The following IL22RA1 variants were observed in gnomAD, a reference collection of about 807,000 sequenced individuals.
IL22RA1 encodes interleukin-22 receptor subunit alpha-1.
IL22RA1 carries 25 observed loss-of-function variants against 32.8 expected under a neutral mutation model. The ratio of observed to expected loss-of-function variants is 0.76; its 90% CI spans 0.55 to 1.06. The LOEUF is 1.06. IL22RA1 is among the 50% of genes least tolerant of loss of function. The probability of loss-of-function intolerance (pLI) is 0.00; values close to 1 mark genes in which losing one functional copy is unlikely to be tolerated. For synonymous variants in IL22RA1, 305 were observed against 305.0 expected (o/e 1.00, Z 0.00); for missense variants, 709 against 727.4 (o/e 0.97, Z 0.29).
intron 4 of IL22RA1, 97 bp from the exon 5 acceptor site, chr1:24,128,376 A>C: frequency 7.0e-7 from 1 of 1,435,674 alleles, no homozygotes; most frequent in Admixed American, 1.7e-5. Flanking sequence ...TTCTGGTTTG[A>C]TGCTGATGGG....
chr1:24,136,743 T>C (rs1394396144), intron 3 of IL22RA1, among the ~76,000 whole-genome samples: 1 of 150,818 alleles, frequency 6.6e-6, no homozygotes, highest in Admixed American at 6.6e-5. Flanking sequence ...TGCCCGAGGG[T>C]TTTAAGCTGA....
chr1:24,138,738 G>A, intron 1 of IL22RA1, 24 bp from the exon 2 acceptor site: 1 of 1,611,580 alleles, frequency 6.2e-7, no homozygotes, highest in Non-Finnish European at 8.5e-7. Flanking sequence ...GGAGGAGGGT[G>A]AGCAGGGGCT....
At position 24,137,099 on chromosome 1, in the gene IL22RA1, C is replaced by T. The variant is rs749783128; in HGVS notation, c.355+32G>A. The T allele has an allele frequency of 8.2e-6, 13 of 1,592,690 alleles. No homozygotes were observed. In the South Asian group the frequency reaches 8.8e-5, roughly 11 times the overall value. ...GCAAACACCTGCGCTTTCCTCTTCC[C>T]TCCCCTGAAACCCACAGGGGCTCCA... On this transcript the variant is annotated intron_variant, in intron 3 of 6. Coordinates refer to ENST00000270800, the MANE Select transcript of IL22RA1 (RefSeq NM_021258.4).
intron 4 of IL22RA1, among the ~76,000 whole-genome samples, chr1:24,131,313 G>T (rs1315775422): frequency 1.3e-5 from 2 of 152,170 alleles, no homozygotes; most frequent in Non-Finnish European, 2.9e-5. Context: ...TGCTTTAAAA[G>T]AATGAATTTT....
Position 24,138,614 on chromosome 1 carries a change from G to T in IL22RA1, c.144C>A (p.Thr48=). The change falls in exon 2 of 7, where the codon ACC becomes ACA. Residue 48 remains threonine, a synonymous_variant. Transcript: ENST00000270800. ...ACTCGATGCTGTAGACCGTGTCTGG[G>T]GTGCCCTCCGGCCCGCTGTCCCACG... The part of the protein sequence containing the change: ...ILTWDSGPEG[T]PDTVYSIEYK... 6.2e-7 allele frequency: 1 copy of T among 1,614,134 alleles called. No homozygotes were observed. The highest frequency in any genetic ancestry group is 8.5e-7 in the Non-Finnish European group (1 of 1,180,030).
At chr1:24,140,629 G>A (rs1311376296) in intron 1 of IL22RA1, among the ~76,000 whole-genome samples, 1 of 152,172 alleles carries the variant, frequency 6.6e-6, no homozygotes, top group African/African-American at 2.4e-5. Flanking sequence ...GCTGGGGAGG[G>A]GCTGCAGCCT....
chr1:24,123,684 C>T, intron 5 of IL22RA1: 2 of 652,628 alleles, frequency 3.1e-6, no homozygotes, highest in Non-Finnish European at 4.6e-6. Context: ...TTTTTACAAC[C>T]ACCTGGGATG....
At chr1:24,142,014 C>T (rs546851534) in intron 1 of IL22RA1, among the ~76,000 whole-genome samples, 41 of 27,872 alleles carry the variant, frequency 1.5e-3, no homozygotes, top group African/African-American at 2.3e-3. Context: ...TTCTTGGGGT[C>T]CCCCATCTCA....
chr1:24,126,138 A>ACACT (rs917343002), intron 5 of IL22RA1, among the ~76,000 whole-genome samples: 49 of 152,286 alleles, frequency 3.2e-4, no homozygotes, highest in African/African-American at 1.2e-3. Flanking sequence ...AATCATACAA[A>ACACT]CACTCCCAGC....
Position 24,125,814 on chromosome 1 carries a change from G to A in IL22RA1, c.670+2327C>T, listed in dbSNP as rs1454467225. On this transcript the variant is annotated intron_variant, in intron 5 of 6. Coordinates refer to ENST00000270800, the MANE Select transcript of IL22RA1 (RefSeq NM_021258.4). ...ATAAAGATTAAATAATATATGTAAAGCATTTGGCACAACTATTTGCTTGGC... is the reference window on the plus strand; with the variant it reads ...ATAAAGATTAAATAATATATGTAAAACATTTGGCACAACTATTTGCTTGGC... 2.0e-5 allele frequency among the ~76,000 whole-genome samples: 3 copies of A among 152,286 alleles called. No individual in the cohort carries two copies. The East Asian group carries it at 5.8e-4, about 29-fold the overall frequency.
chr1:24,134,463 G>A (rs754105273), intron 3 of IL22RA1, 77 bp from the exon 4 acceptor site: 43 of 1,063,074 alleles, frequency 4.0e-5, no homozygotes, highest in Non-Finnish European at 5.4e-5. Flanking sequence ...CTTGGACAGT[G>A]GAAAATGACT....
At chr1:24,136,122 T>A (rs2148574692) in intron 3 of IL22RA1, among the ~76,000 whole-genome samples, 1 of 152,266 alleles carries the variant, frequency 6.6e-6, no homozygotes, top group South Asian at 2.1e-4. Context: ...ACCCAGCTAA[T>A]TTTTAAATTT....
chr1:24,139,484 C>G (rs1644266102), intron 1 of IL22RA1, among the ~76,000 whole-genome samples: 1 of 152,150 alleles, frequency 6.6e-6, no homozygotes, highest in Admixed American at 6.5e-5. Context: ...TATAGTAGCT[C>G]TATCTTTAAC....
chr1:24,124,253 G>T (rs973185428), intron 5 of IL22RA1, among the ~76,000 whole-genome samples: 1 of 152,156 alleles, frequency 6.6e-6, no homozygotes, highest in East Asian at 1.9e-4. Context: ...GAGGGGAGAA[G>T]TGAAAACAGG....
At chr1:24,130,980 C>T (rs1413138791) in intron 4 of IL22RA1, among the ~76,000 whole-genome samples, 5 of 152,202 alleles carry the variant, frequency 3.3e-5, no homozygotes, top group African/African-American at 9.7e-5. Flanking sequence ...GCTGGGATTA[C>T]AGGCGTGGGC....
chr1:24,128,398 C>T, intron 4 of IL22RA1, 119 bp from the exon 5 acceptor site: 2 of 1,214,766 alleles, frequency 1.6e-6, no homozygotes, highest in Non-Finnish European at 1.2e-6. Context: ...CTGTCTTCAG[C>T]CTCTGTTTCC....
chr1:24,122,896 G>C (rs1644134942), intron 6 of IL22RA1, among the ~76,000 whole-genome samples: 1 of 152,194 alleles, frequency 6.6e-6, no homozygotes, highest in African/African-American at 2.4e-5. Context: ...TGAAAAACAT[G>C]AAGATCAGGC....
Position 24,121,596 on chromosome 1 carries a change from G to C in IL22RA1, c.934C>G (p.Pro312Ala). Residue 312 changes from proline to alanine, a missense_variant, in exon 7 of 7, where the codon CCC becomes GCC. Physicochemically the swap from Pro to Ala is conservative, Grantham distance 27. Coordinates refer to ENST00000270800, the MANE Select transcript of IL22RA1 (RefSeq NM_021258.4). ...SQIRVSGPRE[P>A]AGAPQRHSLS... ...CTATGCCGCTGTGGAGCTCCTGCGG[G>C]CTCCCTGGGTCCAGACACCCTGATC... The C allele has an allele frequency of 2.5e-6, 4 of 1,612,748 alleles. No homozygotes were observed. Among genetic ancestry groups the C allele is most frequent in the Non-Finnish European group, 3.4e-6 (4 of 1,179,074 alleles).
intron 2 of IL22RA1, among the ~76,000 whole-genome samples, chr1:24,137,769 A>G (rs1010000907): frequency 1.3e-5 from 2 of 152,250 alleles, no homozygotes; most frequent in East Asian, 3.9e-4. Context: ...CACCTGCCTC[A>G]GCCTCTGAAA....
Sources: allele counts gnomAD v4.1 joint callset (sites outside exome capture counted in the v4.1 genomes callset), GRCh38; gene constraint gnomAD v4.1.1; transcripts MANE v1.5; gene names NCBI Gene and HGNC (gene_info 2026-07-23, HGNC 2026-07-21).